Variants in ZNF532 observed in about 807,000 individuals in gnomAD.
ZNF532 encodes zinc finger protein 532.
Under a neutral mutation model 89.3 loss-of-function variants are expected in ZNF532, and 22 were observed. The ratio of observed to expected loss-of-function variants is 0.25; its 90% CI spans 0.18 to 0.35. The LOEUF (loss-of-function observed/expected upper bound fraction) is 0.35, where lower values mean the gene tolerates loss of function less well. Ranked by LOEUF, ZNF532 falls within the 10% of genes least tolerant of loss-of-function variation. The pLI is 1.00. For missense variants in ZNF532, 1,132 were observed against 1,643.4 expected (o/e 0.69, Z 5.38); for synonymous variants, 606 against 649.6 (o/e 0.93, Z 1.02).
chr18:58,934,061 A>G (rs373362488), intron 3 of ZNF532, among the ~76,000 whole-genome samples: 10 of 152,246 alleles, frequency 6.6e-5, no homozygotes, highest in African/African-American at 1.9e-4. Flanking sequence ...GACTGTGACT[A>G]CTGTCAAGAT....
At chr18:58,866,128 A>G (rs571889164) in intron 2 of ZNF532, among the ~76,000 whole-genome samples, 1 of 152,260 alleles carries the variant, frequency 6.6e-6, no homozygotes, top group Non-Finnish European at 1.5e-5. Flanking sequence ...TGAGTTCGCC[A>G]TTGGATTCTT....
chr18:58,934,454 A>G lies in ZNF532; in HGVS notation c.2368A>G (p.Met790Val). ...SGQKTCTICQ[M>V]LLPNQCSYAS... The stretch of plus-strand genomic sequence containing the variant: ...TTAGAAGACTTGCACTATCTGCCAG[A>G]TGCTGCTTCCTAACCAGTGCAGTTA... Residue 790 changes from methionine to valine, a missense_variant, in exon 4 of 10, where the codon ATG (methionine) becomes GTG (valine). This residue lies in a region of ZNF532 where 100 missense variants were observed against 122.0 expected (regional missense o/e 0.82). Coordinates refer to ENST00000591808, the MANE Select transcript of ZNF532 (RefSeq NM_001375912.1). 6.2e-7 allele frequency: 1 copy of G among 1,613,984 alleles called. No homozygotes were observed. The highest frequency in any genetic ancestry group is 2.2e-5 in the East Asian group (1 of 44,890).
At position 58,951,612 on chromosome 18, in the gene ZNF532, A is replaced by G. The variant is rs899742419; in HGVS notation, c.2869-1906A>G. Among the ~76,000 whole-genome samples the G allele has an allele frequency of 4.8e-5, 7 of 145,580 alleles. 1 individual carries two copies. The South Asian group carries it at 6.5e-4, about 14-fold the overall frequency. On this transcript the variant is annotated intron_variant, in intron 6 of 9. Transcript: ENST00000591808. ...TCCAGATTTTCTCTTTGCAAAGAACATGGTTAGACAATCACCTCAGCCCTC... is the reference window on the plus strand; with the variant it reads ...TCCAGATTTTCTCTTTGCAAAGAACGTGGTTAGACAATCACCTCAGCCCTC...
intron 2 of ZNF532, among the ~76,000 whole-genome samples, chr18:58,872,483 A>C (rs2057069323): frequency 6.6e-6 from 1 of 152,214 alleles, no homozygotes; most frequent in African/African-American, 2.4e-5. Flanking sequence ...TGAAAAACCT[A>C]AAAAGGTTAG....
At chr18:58,928,206 TC>T (rs1161417112) in intron 3 of ZNF532, among the ~76,000 whole-genome samples, 3 of 152,162 alleles carry the variant, frequency 2.0e-5, no homozygotes, top group Non-Finnish European at 4.4e-5. Context: ...CTGGGGCTGT[TC>T]CTCCCACGCC....
chr18:58,880,111 C>T (rs938723246), intron 2 of ZNF532, among the ~76,000 whole-genome samples: 5 of 152,036 alleles, frequency 3.3e-5, no homozygotes, highest in African/African-American at 1.2e-4. Flanking sequence ...AAAGGTGATC[C>T]AGAGAGGGAA....
At chr18:58,895,709 G>A (rs1416809331) in intron 2 of ZNF532, among the ~76,000 whole-genome samples, 3 of 152,078 alleles carry the variant, frequency 2.0e-5, no homozygotes, top group Non-Finnish European at 4.4e-5. Context: ...GCTAAAAATC[G>A]GGGCTCCCCA....
chr18:58,895,252 G>A (rs1360113287), intron 2 of ZNF532, among the ~76,000 whole-genome samples: 6 of 152,190 alleles, frequency 3.9e-5, no homozygotes, highest in Non-Finnish European at 8.8e-5. Context: ...TCTGTCTCAC[G>A]TTTGGCTGCA....
chr18:58,961,450 A>T (rs1286946393), intron 7 of ZNF532, among the ~76,000 whole-genome samples: 1 of 152,142 alleles, frequency 6.6e-6, no homozygotes, highest in Non-Finnish European at 1.5e-5. Flanking sequence ...GTCTCAACGT[A>T]GGTGTTACTG....
At chr18:58,882,707 A>G in intron 2 of ZNF532, among the ~76,000 whole-genome samples, 1 of 152,126 alleles carries the variant, frequency 6.6e-6, no homozygotes, top group Non-Finnish European at 1.5e-5. Context: ...TGACCTCTTA[A>G]AGTGTTGTGA....
At chr18:58,940,271 T>TA (rs2062873207) in intron 5 of ZNF532, 1 of 152,170 alleles carries the variant, frequency 6.6e-6, no homozygotes, top group Non-Finnish European at 1.5e-5. Flanking sequence ...CCATAGTTCC[T>TA]TTTTTATAGG....
rs768228179 is a variant in ZNF532 at position 58,919,571 on chromosome 18, C to G, written c.1284C>G (p.Val428=). 1 of 1,614,148 alleles carries G rather than the reference C, an allele frequency of 6.2e-7. No homozygotes were observed. The highest frequency in any genetic ancestry group is 8.5e-7 in the Non-Finnish European group (1 of 1,180,028). ...SPPRAPLQSA[V]VTNAVSPAEL... is the part of the protein sequence containing the mutation. ...CCAGGGCGCCTCTCCAGTCTGCGGT[C>G]GTGACCAATGCAGTTTCCCCTGCAG... The change falls in exon 3 of 10, where the codon GTC becomes GTG. Residue 428 remains valine (V), a synonymous_variant. Transcript: ENST00000591808. This position sits in a 1 kb window ranked among gnomAD's most constrained non-coding sequence, Gnocchi z 6.1.
chr18:58,870,008 C>T (rs1169832288), intron 2 of ZNF532, among the ~76,000 whole-genome samples: 2 of 150,532 alleles, frequency 1.3e-5, no homozygotes, highest in Admixed American at 6.6e-5. Context: ...CCTTGTGATC[C>T]GCCCGCCTCA....
intron 7 of ZNF532, among the ~76,000 whole-genome samples, chr18:58,961,732 A>G (rs572030141): frequency 6.6e-6 from 1 of 152,348 alleles, no homozygotes; most frequent in Non-Finnish European, 1.5e-5. Flanking sequence ...GTCTAGAAAC[A>G]GTGGCAGGAG....
chr18:58,934,257 G>A (rs2146455103), intron 3 of ZNF532, 176 bp from the exon 4 acceptor site: 1 of 564,766 alleles, frequency 1.8e-6, no homozygotes, highest in Non-Finnish European at 3.1e-6. Flanking sequence ...TTACAGGATA[G>A]AGAATTGTAC....
At chr18:58,950,197 C>T (rs559977132) in intron 6 of ZNF532, among the ~76,000 whole-genome samples, 4 of 152,124 alleles carry the variant, frequency 2.6e-5, no homozygotes, top group African/African-American at 9.7e-5. Flanking sequence ...ATCTGGAAGT[C>T]GGGTCATCGA....
At chr18:58,955,036 C>T (rs183540432) in intron 7 of ZNF532, among the ~76,000 whole-genome samples, 3 of 152,196 alleles carry the variant, frequency 2.0e-5, no homozygotes, top group African/African-American at 7.2e-5. Context: ...TTTTTGACAC[C>T]GTTTAACTTG....
intron 2 of ZNF532, among the ~76,000 whole-genome samples, chr18:58,889,544 A>G (rs1339415971): frequency 6.6e-6 from 1 of 152,230 alleles, no homozygotes; most frequent in East Asian, 1.9e-4. Flanking sequence ...TCATGCCTGT[A>G]ATCCCAGCAC....
chr18:58,961,104 G>A (rs556369528), intron 7 of ZNF532, among the ~76,000 whole-genome samples: 1 of 152,290 alleles, frequency 6.6e-6, no homozygotes, highest in African/African-American at 2.4e-5. Context: ...CAAGATTGGA[G>A]TGTGCGTCAG....
Sources: gnomAD v4.1 joint callset for allele counts (sites outside exome capture counted in the v4.1 genomes callset) on GRCh38, gnomAD v4.1.1 for gene constraint, gnomAD v4.1.1 regional missense constraint, Gnocchi (gnomAD v3.1) non-coding constraint, MANE v1.5 for transcripts, NCBI Gene and HGNC (gene_info 2026-07-23, HGNC 2026-07-21) for gene names.